The following CERS6 variants were observed in gnomAD, a reference collection of about 807,000 sequenced individuals.
CERS6 encodes the protein LAG1 homolog, ceramide synthase 6.
Under a neutral mutation model 56.8 loss-of-function variants are expected in CERS6, and 26 were observed. The ratio of observed to expected loss-of-function variants is 0.46; its 90% CI spans 0.34 to 0.63. The LOEUF (loss-of-function observed/expected upper bound fraction) is 0.63, where lower values mean the gene tolerates loss of function less well. Among genes scored for constraint, CERS6 ranks in the 30% least tolerant of loss-of-function variants. CERS6 has a pLI of 0.01. For synonymous variants in CERS6, 164 were observed against 173.3 expected, an observed-to-expected ratio of 0.95 and a Z score of 0.42; for missense variants, 415 against 467.5, an observed-to-expected ratio of 0.89 and a Z score of 1.04.
At chr2:168,744,248 G>A (rs920593920) in intron 8 of CERS6, among the ~76,000 whole-genome samples, 8 of 151,848 alleles carry the variant, frequency 5.3e-5, no homozygotes, top group Non-Finnish European at 1.0e-4. Flanking sequence ...CTCATGATCC[G>A]CCCACCTCGG....
chr2:168,468,859 G>A (rs922094968), intron 1 of CERS6, among the ~76,000 whole-genome samples: 4 of 149,230 alleles, frequency 2.7e-5, no homozygotes, highest in African/African-American at 1.0e-4. Context: ...TAGCAGCTTA[G>A]TGAGGAATGG....
chr2:168,673,327 C>A (rs1466870041), intron 4 of CERS6, among the ~76,000 whole-genome samples: 2 of 152,014 alleles, frequency 1.3e-5, no homozygotes, highest in African/African-American at 4.8e-5. Context: ...ACGAATAATG[C>A]CCTGATTGTG....
At chr2:168,695,702 T>C (rs1291303489) in intron 6 of CERS6, among the ~76,000 whole-genome samples, 2 of 152,208 alleles carry the variant, frequency 1.3e-5, no homozygotes, top group Non-Finnish European at 2.9e-5. Context: ...CCCCATGCTC[T>C]ACATATTTGG....
At chr2:168,671,906 G>T (rs1685928197) in intron 4 of CERS6, among the ~76,000 whole-genome samples, 2 of 152,162 alleles carry the variant, frequency 1.3e-5, no homozygotes, top group Non-Finnish European at 2.9e-5. Flanking sequence ...CCTTCAATTA[G>T]AGTATCTTAG....
chr2:168,528,998 C>T (rs1486420668), intron 1 of CERS6, among the ~76,000 whole-genome samples: 1 of 152,048 alleles, frequency 6.6e-6, no homozygotes, highest in Non-Finnish European at 1.5e-5. Context: ...TTGCTGGGAC[C>T]ATAGGGGTTG....
chr2:168,477,874 T>C (rs1022765363), intron 1 of CERS6, among the ~76,000 whole-genome samples: 3 of 152,244 alleles, frequency 2.0e-5, no homozygotes, highest in South Asian at 2.1e-4. Context: ...CATTTTTATA[T>C]GTTTTAAAGC....
At chr2:168,700,330 T>C (rs539736230) in intron 6 of CERS6, among the ~76,000 whole-genome samples, 19 of 152,252 alleles carry the variant, frequency 1.2e-4, no homozygotes, top group African/African-American at 4.3e-4. Flanking sequence ...GTTTTAATCT[T>C]ACGAGGAAGC....
chr2:168,466,970 G>C (rs776925135), intron 1 of CERS6, among the ~76,000 whole-genome samples: 4 of 152,126 alleles, frequency 2.6e-5, no homozygotes, highest in Admixed American at 2.0e-4. Flanking sequence ...GAGGTTTTCA[G>C]GTTACAAAGC....
At chr2:168,681,273 A>G (rs1686208321) in intron 4 of CERS6, among the ~76,000 whole-genome samples, 1 of 152,178 alleles carries the variant, frequency 6.6e-6, no homozygotes, top group Non-Finnish European at 1.5e-5. Flanking sequence ...TATTTCTCTC[A>G]TTCTACTTTC....
At chr2:168,679,571 G>T (rs554959726) in intron 4 of CERS6, among the ~76,000 whole-genome samples, 1 of 152,030 alleles carries the variant, frequency 6.6e-6, no homozygotes, top group Non-Finnish European at 1.5e-5. Flanking sequence ...TCGTAATCTC[G>T]CTCTGTGTGA....
In CERS6 at chr2:168,735,535, A is replaced by G. The variant is rs184470386; in HGVS notation, c.845+17557A>G. On this transcript the variant is annotated intron_variant, in intron 8 of 9. Transcript: ENST00000305747. ...CTTGGACATGAAACAGTTTCCGAGT[A>G]CAGAGTATGAAGTGCTGGTGAGCTT... Among the ~76,000 whole-genome samples the G allele has an allele frequency of 1.2e-4, 18 of 152,204 alleles. 1 individual carries two copies. In the East Asian group the frequency reaches 3.3e-3, roughly 28 times the overall value.
At chr2:168,506,435 C>T (rs924275981) in intron 1 of CERS6, among the ~76,000 whole-genome samples, 1 of 152,064 alleles carries the variant, frequency 6.6e-6, no homozygotes, top group African/African-American at 2.4e-5. Context: ...CAGGTGTGTC[C>T]GACCCACCTG....
intron 4 of CERS6, among the ~76,000 whole-genome samples, chr2:168,669,737 G>A (rs1035274836): frequency 9.2e-5 from 14 of 152,070 alleles, no homozygotes; most frequent in Non-Finnish European, 1.5e-4. Flanking sequence ...AATGTTTCCC[G>A]GGAATAACAA....
At chr2:168,681,382 A>T (rs946854683) in intron 4 of CERS6, among the ~76,000 whole-genome samples, 4 of 152,230 alleles carry the variant, frequency 2.6e-5, no homozygotes, top group Non-Finnish European at 5.9e-5. Context: ...CTGTGCTATT[A>T]ATTTCAAGTT....
intron 1 of CERS6, among the ~76,000 whole-genome samples, chr2:168,540,023 C>A (rs1233757296): frequency 6.6e-6 from 1 of 152,144 alleles, no homozygotes; most frequent in African/African-American, 2.4e-5. Flanking sequence ...GTTGTGTTGC[C>A]TTTCAACCTA....
chr2:168,668,473 G>A (rs1409207580), intron 4 of CERS6, among the ~76,000 whole-genome samples: 2 of 137,364 alleles, frequency 1.5e-5, no homozygotes, highest in African/African-American at 2.8e-5. Context: ...TGGAGACAGA[G>A]TCTCATTCTG....
chr2:168,721,281 G>A (rs989539196), intron 8 of CERS6, among the ~76,000 whole-genome samples: 3 of 152,114 alleles, frequency 2.0e-5, no homozygotes, highest in Non-Finnish European at 4.4e-5. Flanking sequence ...GCTTGTATCA[G>A]TACTTCATTC....
chr2:168,506,123 C>T (rs1391846428), intron 1 of CERS6, among the ~76,000 whole-genome samples: 1 of 152,152 alleles, frequency 6.6e-6, no homozygotes, highest in East Asian at 1.9e-4. Context: ...TTCTAGAGGT[C>T]CAGTCAGCAT....
At chr2:168,575,285 A>G (rs1683234459) in intron 3 of CERS6, among the ~76,000 whole-genome samples, 1 of 152,164 alleles carries the variant, frequency 6.6e-6, no homozygotes, top group Non-Finnish European at 1.5e-5. Flanking sequence ...GAGACTAGGT[A>G]ATTTATAAAG....
Sources: allele counts gnomAD v4.1 joint callset (sites outside exome capture counted in the v4.1 genomes callset), GRCh38; gene constraint gnomAD v4.1.1; transcripts MANE v1.5; gene names NCBI Gene and HGNC (gene_info 2026-07-23, HGNC 2026-07-21).